C8orf34: variants seen among roughly 807,000 people sequenced by gnomAD.
The protein encoded by C8orf34 is uncharacterized protein C8orf34.
In C8orf34, 65 loss-of-function variants were observed where a neutral mutation model predicts 68.3. The observed-to-expected ratio is 0.95, with a 90% CI of 0.78 to 1.17. C8orf34 has a LOEUF of 1.17. Ranked by LOEUF, C8orf34 falls within the 50% of genes most tolerant of loss-of-function variation. C8orf34 has a pLI of 0.00. For synonymous variants in C8orf34, 244 were observed against 241.2 expected (o/e 1.01, Z -0.11); for missense variants, 664 against 655.4 (o/e 1.01, Z -0.14).
At chr8:68,402,399 A>G (rs978690991) in intron 1 of C8orf34, among the ~76,000 whole-genome samples, 4 of 151,748 alleles carry the variant, frequency 2.6e-5, no homozygotes, top group African/African-American at 7.3e-5. Flanking sequence ...TTTCATCTCA[A>G]TTTCATTTAG....
At chr8:68,575,253 C>T (rs564327388) in intron 7 of C8orf34, among the ~76,000 whole-genome samples, 6 of 152,158 alleles carry the variant, frequency 3.9e-5, no homozygotes, top group South Asian at 4.1e-4. Flanking sequence ...TATATTAAAA[C>T]GCCAATAAAA....
chr8:68,746,610 A>G (rs1253121665), intron 10 of C8orf34, among the ~76,000 whole-genome samples: 12 of 148,246 alleles, frequency 8.1e-5, no homozygotes, highest in Non-Finnish European at 1.5e-4. Flanking sequence ...AAACACCTCT[A>G]CGCAAATAAA....
chr8:68,602,125 G>A (rs910108697), intron 7 of C8orf34, among the ~76,000 whole-genome samples: 3 of 152,128 alleles, frequency 2.0e-5, no homozygotes, highest in Non-Finnish European at 4.4e-5. Flanking sequence ...CACACGATGG[G>A]AGCAGTGAGT....
At chr8:68,513,558 C>T (rs376475974) in intron 5 of C8orf34, among the ~76,000 whole-genome samples, 3 of 152,174 alleles carry the variant, frequency 2.0e-5, no homozygotes, top group South Asian at 2.1e-4. Context: ...CTAGTAAAAA[C>T]GTCTTCTAAA....
chr8:68,610,023 A>C (rs1484504570), intron 7 of C8orf34, among the ~76,000 whole-genome samples: 1 of 152,196 alleles, frequency 6.6e-6, no homozygotes. Context: ...GTGCATCGTT[A>C]TCTCTCACAT....
chr8:68,471,526 T>G (rs372656310), intron 4 of C8orf34, among the ~76,000 whole-genome samples: 39 of 152,294 alleles, frequency 2.6e-4, no homozygotes, highest in African/African-American at 8.9e-4. Flanking sequence ...GGAACCAGGA[T>G]GTAATTCATT....
chr8:68,633,809 A>G (rs1412859102), intron 7 of C8orf34, among the ~76,000 whole-genome samples: 8 of 152,146 alleles, frequency 5.3e-5, no homozygotes, highest in Admixed American at 2.0e-4. Flanking sequence ...AAAAGAAGGA[A>G]GAAAAGACAG....
chr8:68,367,907 G>GTAAAGAAA (rs1807359808), intron 1 of C8orf34, among the ~76,000 whole-genome samples: 2 of 15,032 alleles, frequency 1.3e-4, no homozygotes, highest in Non-Finnish European at 2.6e-4. Context: ...AATAAAAAAA[G>GTAAAGAAA]AAAAGAAAAA....
intron 7 of C8orf34, among the ~76,000 whole-genome samples, chr8:68,575,397 G>A (rs925337667): frequency 6.6e-5 from 10 of 151,814 alleles, no homozygotes; most frequent in African/African-American, 1.5e-4. Flanking sequence ...TCTATAAACC[G>A]TCTAGTTTTC....
intron 8 of C8orf34, among the ~76,000 whole-genome samples, chr8:68,702,741 G>A (rs926660401): frequency 6.6e-6 from 1 of 152,036 alleles, no homozygotes; most frequent in African/African-American, 2.4e-5. Context: ...ATGGACATTC[G>A]ACATCAGGGA....
intron 8 of C8orf34, among the ~76,000 whole-genome samples, chr8:68,704,296 A>T (rs1821102343): frequency 6.6e-6 from 1 of 152,136 alleles, no homozygotes; most frequent in African/African-American, 2.4e-5. Flanking sequence ...AGCTAGAAAT[A>T]AGCCAAATAG....
chr8:68,335,249 T>C (rs142394352), intron 1 of C8orf34, among the ~76,000 whole-genome samples: 18 of 152,268 alleles, frequency 1.2e-4, no homozygotes, highest in African/African-American at 4.3e-4. Context: ...AGAAAGATAT[T>C]TTAATGTTTA....
At chr8:68,747,773 G>A (rs1200448699) in intron 10 of C8orf34, among the ~76,000 whole-genome samples, 1 of 151,450 alleles carries the variant, frequency 6.6e-6, no homozygotes, top group East Asian at 1.9e-4. Flanking sequence ...ATGCTCATGG[G>A]TAGGAAGAAT....
chr8:68,807,254 C>T (rs1196823101), intron 12 of C8orf34, among the ~76,000 whole-genome samples: 2 of 152,148 alleles, frequency 1.3e-5, no homozygotes, highest in Non-Finnish European at 2.9e-5. Flanking sequence ...CTTGGGAAAA[C>T]AAAAGAATTT....
In C8orf34 at chr8:68,794,498, T is replaced by C. The variant is rs1392606035; in HGVS notation, c.1549+6962T>C. 1.1e-4 allele frequency among the ~76,000 whole-genome samples: 10 copies of C among 89,456 alleles called. 1 individual carries two copies. The highest frequency in any genetic ancestry group is 2.0e-4 in the Non-Finnish European group (10 of 50,970). 58.7% of individuals were successfully genotyped at this position (89,456 alleles called of 152,430 possible). On this transcript the variant is annotated intron_variant, in intron 12 of 13. Transcript: ENST00000518698. ...ATAAATATAAATATATATATATATATATATATATTTTTTTTTTTTTTTTTT... is the reference window on the plus strand; with the variant it reads ...ATAAATATAAATATATATATATATACATATATATTTTTTTTTTTTTTTTTT...
chr8:68,744,758 T>C (rs1822427716), intron 10 of C8orf34, among the ~76,000 whole-genome samples: 1 of 152,326 alleles, frequency 6.6e-6, no homozygotes, highest in South Asian at 2.1e-4. Context: ...CTATGTCTGA[T>C]TGGTGTACCT....
At chr8:68,478,424 C>G (rs1397987556) in intron 4 of C8orf34, among the ~76,000 whole-genome samples, 1 of 152,186 alleles carries the variant, frequency 6.6e-6, no homozygotes, top group Non-Finnish European at 1.5e-5. Flanking sequence ...AATTTCCAAA[C>G]TTTCCCACAT....
At chr8:68,533,581 A>G in intron 7 of C8orf34, 5 of 985,912 alleles carry the variant, frequency 5.1e-6, no homozygotes, top group Non-Finnish European at 6.0e-6. Context: ...AATAGAATAA[A>G]GTTGAAAGGG....
At chr8:68,767,638 C>T (rs908342566) in intron 10 of C8orf34, among the ~76,000 whole-genome samples, 3 of 152,162 alleles carry the variant, frequency 2.0e-5, no homozygotes, top group African/African-American at 7.2e-5. Flanking sequence ...TTCATTCATG[C>T]ATGCATTCAT....
Sources: gnomAD v4.1 joint callset for allele counts (sites outside exome capture counted in the v4.1 genomes callset) on GRCh38, gnomAD v4.1.1 for gene constraint, MANE v1.5 for transcripts, NCBI Gene and HGNC (gene_info 2026-07-23, HGNC 2026-07-21) for gene names.